Variants in ADAMTS20 observed in about 807,000 individuals in gnomAD.
ADAMTS20 encodes the protein A disintegrin and metalloproteinase with thrombospondin motifs 20.
In ADAMTS20, 225 loss-of-function variants were observed where a neutral mutation model predicts 260.1. That is an observed-to-expected ratio of 0.87 (90% CI 0.78 to 0.97). The LOEUF is 0.97. Among genes scored for constraint, ADAMTS20 ranks in the 50% least tolerant of loss-of-function variants. The pLI is 0.00. For missense variants in ADAMTS20, 2,400 were observed against 2,337.7 expected (o/e 1.03, Z -0.55); for synonymous variants, 802 against 769.5 (o/e 1.04, Z -0.70).
intron 29 of ADAMTS20, among the ~76,000 whole-genome samples, chr12:43,387,430 C>T (rs1481870840): frequency 1.3e-5 from 2 of 152,172 alleles, no homozygotes; most frequent in African/African-American, 4.8e-5. Flanking sequence ...CTGTTGACCC[C>T]TGCTGGGAGG....
chr12:43,395,325 T>C (rs915635866), intron 29 of ADAMTS20, among the ~76,000 whole-genome samples: 7 of 152,062 alleles, frequency 4.6e-5, no homozygotes, highest in Admixed American at 4.6e-4. Context: ...CATTTACTAT[T>C]TTTCAAATTA....
intron 3 of ADAMTS20, among the ~76,000 whole-genome samples, chr12:43,524,481 C>T (rs77383592): frequency 0.021 from 3,145 of 152,074 alleles, 46 homozygotes; most frequent in African/African-American, 0.03. Context: ...AACACACTAA[C>T]GGTCCAGCAA....
At chr12:43,495,339 CA>C (rs1203439937) in intron 4 of ADAMTS20, among the ~76,000 whole-genome samples, 2 of 152,102 alleles carry the variant, frequency 1.3e-5, no homozygotes, top group African/African-American at 2.4e-5. Context: ...GGGAAACAGA[CA>C]CAGGTTCCAA....
At chr12:43,541,836 T>C (rs1348067684) in intron 2 of ADAMTS20, among the ~76,000 whole-genome samples, 1 of 152,210 alleles carries the variant, frequency 6.6e-6, no homozygotes, top group Non-Finnish European at 1.5e-5. Flanking sequence ...ACCTTCCCCA[T>C]TCTGAGACAA....
chr12:43,508,076 G>C (rs1342697016), intron 3 of ADAMTS20, among the ~76,000 whole-genome samples: 1 of 151,872 alleles, frequency 6.6e-6, no homozygotes, highest in East Asian at 1.9e-4. Context: ...TAATCTGTTC[G>C]ACAAACCCCT....
At chr12:43,542,271 AT>A (rs1469433710) in intron 2 of ADAMTS20, among the ~76,000 whole-genome samples, 1 of 152,232 alleles carries the variant, frequency 6.6e-6, no homozygotes, top group African/African-American at 2.4e-5. Context: ...ATAATAAGAA[AT>A]CATTAAAAAC....
At chr12:43,432,568 G>A (rs1565695630) in intron 20 of ADAMTS20, 33 bp downstream of exon 20, 1 of 1,606,590 alleles carries the variant, frequency 6.2e-7, no homozygotes, top group Non-Finnish European at 8.5e-7. Context: ...AAAGAAAGGG[G>A]CAACTTTTTT....
At chr12:43,452,489 C>T in intron 13 of ADAMTS20, 25 bp downstream of exon 13, 4 of 1,605,096 alleles carry the variant, frequency 2.5e-6, no homozygotes, top group Non-Finnish European at 3.4e-6. Context: ...AAATTTACAT[C>T]AAAGAACCAG....
At chr12:43,403,544 C>G (rs1252267930) in intron 28 of ADAMTS20, among the ~76,000 whole-genome samples, 1 of 152,040 alleles carries the variant, frequency 6.6e-6, no homozygotes, top group African/African-American at 2.4e-5. Context: ...CATGCATAAA[C>G]TGTGCCCTTT....
chr12:43,481,321 G>T (rs1279373023), intron 7 of ADAMTS20, among the ~76,000 whole-genome samples: 1 of 149,210 alleles, frequency 6.7e-6, no homozygotes, highest in African/African-American at 2.4e-5. Flanking sequence ...AAACACTTAA[G>T]AAAATAAAAC....
At chr12:43,426,137 GA>G (rs1236036057) in intron 27 of ADAMTS20, among the ~76,000 whole-genome samples, 1 of 152,038 alleles carries the variant, frequency 6.6e-6, no homozygotes, top group Admixed American at 6.6e-5. Flanking sequence ...TTATAAACAT[GA>G]AATGTTCAGT....
At position 43,367,568 on chromosome 12, in the gene ADAMTS20, C is replaced by T. The variant is rs535642859; in HGVS notation, c.5538+1722G>A. Among the ~76,000 whole-genome samples the T allele has an allele frequency of 1.3e-4, 20 of 152,146 alleles. No homozygotes were observed. In the South Asian group the frequency reaches 3.1e-3, roughly 24 times the overall value. On this transcript the variant is annotated intron_variant, in intron 37 of 38. Coordinates refer to ENST00000389420, the MANE Select transcript of ADAMTS20 (RefSeq NM_025003.5). ...AAATACTCCTAGCTGACATACTTAACATACACATGAAACTAACATACTTAC... is the reference window on the plus strand; with the variant it reads ...AAATACTCCTAGCTGACATACTTAATATACACATGAAACTAACATACTTAC...
At chr12:43,358,533 A>G (rs1939793877) in intron 37 of ADAMTS20, among the ~76,000 whole-genome samples, 1 of 152,170 alleles carries the variant, frequency 6.6e-6, no homozygotes, top group Non-Finnish European at 1.5e-5. Context: ...GTGAAATAGC[A>G]TATGTACCTA....
intron 3 of ADAMTS20, among the ~76,000 whole-genome samples, chr12:43,528,360 AAAAAAAAAAAAAAAC>A (rs1390386951): frequency 6.8e-6 from 1 of 147,418 alleles, no homozygotes; most frequent in African/African-American, 2.5e-5. Flanking sequence ...AAAAAAAAAA[AAAAAAAAAAAAAAAC>A]ACAAATCCGG....
chr12:43,385,062 C>G (rs1016357736), intron 29 of ADAMTS20, among the ~76,000 whole-genome samples: 1 of 152,180 alleles, frequency 6.6e-6, no homozygotes, highest in Non-Finnish European at 1.5e-5. Flanking sequence ...AACTAATTTA[C>G]TCTCCCACCA....
At chr12:43,510,766 A>G (rs1031343579) in intron 3 of ADAMTS20, among the ~76,000 whole-genome samples, 1 of 152,134 alleles carries the variant, frequency 6.6e-6, no homozygotes, top group African/African-American at 2.4e-5. Flanking sequence ...CAAACATTGA[A>G]TATCTCTTAT....
chr12:43,452,133 G>C, intron 14 of ADAMTS20, 141 bp downstream of exon 14: 1 of 821,964 alleles, frequency 1.2e-6, no homozygotes, highest in Non-Finnish European at 1.8e-6. Flanking sequence ...TCTATAGATA[G>C]CATGATAACA....
chr12:43,475,373 C>T (rs1810723475), intron 7 of ADAMTS20, among the ~76,000 whole-genome samples: 1 of 139,606 alleles, frequency 7.2e-6, no homozygotes, highest in Non-Finnish European at 1.6e-5. Flanking sequence ...ATTCCATGCT[C>T]ATGGGTAGGA....
chr12:43,434,124 T>TCATGG, intron 19 of ADAMTS20, 121 bp downstream of exon 19: 2 of 1,102,934 alleles, frequency 1.8e-6, no homozygotes, highest in Non-Finnish European at 2.5e-6. Context: ...TGAAATTTTT[T>TCATGG]CATGGCATGG....
Sources: gnomAD v4.1 joint callset for allele counts (sites outside exome capture counted in the v4.1 genomes callset) on GRCh38, gnomAD v4.1.1 for gene constraint, MANE v1.5 for transcripts, NCBI Gene and HGNC (gene_info 2026-07-23, HGNC 2026-07-21) for gene names.